CSMD2: variants seen among roughly 807,000 people sequenced by gnomAD.
CSMD2 encodes CUB and Sushi multiple domains 2.
CSMD2 carries 130 observed loss-of-function variants against 398.5 expected under a neutral mutation model. The observed-to-expected ratio is 0.33, with a 90% CI of 0.28 to 0.38. The LOEUF is 0.38. CSMD2 is among the 10% of genes least tolerant of loss of function. The pLI, the probability that CSMD2 is intolerant of heterozygous loss-of-function variation, is 1.00. For synonymous variants in CSMD2, 1,828 were observed against 1,908.5 expected (o/e 0.96, Z 1.10); for missense variants, 3,829 against 4,764.9 (o/e 0.80, Z 5.78).
chr1:34,133,251 C>T (rs1278608647), intron 1 of CSMD2, among the ~76,000 whole-genome samples: 1 of 152,190 alleles, frequency 6.6e-6, no homozygotes, highest in Non-Finnish European at 1.5e-5. Flanking sequence ...ATGATATCAT[C>T]CCAGTATCTA....
chr1:34,038,459 G>A (rs1018969924), intron 2 of CSMD2, among the ~76,000 whole-genome samples: 2 of 152,162 alleles, frequency 1.3e-5, no homozygotes, highest in Non-Finnish European at 2.9e-5. Context: ...CAGCCTTATT[G>A]TCTTCTCATT....
intron 1 of CSMD2, among the ~76,000 whole-genome samples, chr1:34,131,931 A>C (rs571639692): frequency 2.6e-5 from 4 of 152,252 alleles, no homozygotes; most frequent in Admixed American, 2.6e-4. Flanking sequence ...ATCATGAGCT[A>C]GCTGGGGCCA....
chr1:33,938,214 C>A (rs576790723), intron 3 of CSMD2, among the ~76,000 whole-genome samples: 1 of 152,366 alleles, frequency 6.6e-6, no homozygotes, highest in Admixed American at 6.5e-5. Context: ...TTGCCCTGTC[C>A]ATTGGCCCAG....
At chr1:33,657,822 G>A in intron 27 of CSMD2, 124 bp downstream of exon 27, 3 of 944,460 alleles carry the variant, frequency 3.2e-6, no homozygotes, top group East Asian at 2.5e-5. Flanking sequence ...TGGGTTTTCT[G>A]CAACTTTTGT....
At chr1:33,529,803 C>G (rs1655083804) in intron 64 of CSMD2, among the ~76,000 whole-genome samples, 1 of 152,168 alleles carries the variant, frequency 6.6e-6, no homozygotes, top group East Asian at 1.9e-4. Context: ...ATTAAAGACA[C>G]TGGTGCTTCA....
intron 15 of CSMD2, among the ~76,000 whole-genome samples, chr1:33,728,620 T>C (rs931440697): frequency 2.0e-5 from 3 of 152,192 alleles, no homozygotes; most frequent in Non-Finnish European, 2.9e-5. Context: ...AGAGCTGAGA[T>C]TGAATCTCAA....
At chr1:33,697,575 A>G (rs1382874278) in intron 24 of CSMD2, among the ~76,000 whole-genome samples, 1 of 152,172 alleles carries the variant, frequency 6.6e-6, no homozygotes, top group Admixed American at 6.5e-5. Flanking sequence ...ATGCTGGTTC[A>G]CACTTTCACC....
intron 25 of CSMD2, among the ~76,000 whole-genome samples, chr1:33,689,097 G>C (rs1327551821): frequency 6.6e-6 from 1 of 150,750 alleles, no homozygotes; most frequent in Non-Finnish European, 1.5e-5. Context: ...AGGAGGAGAG[G>C]GAGAGAGGGA....
In CSMD2 at chr1:33,571,545, C is replaced by G. The variant is rs554288627; in HGVS notation, c.7944G>C (p.Thr2648=). ...ANGKWSLGDS[T]PTCRIISCGE... is the part of the protein sequence containing the mutation. The stretch of plus-strand genomic sequence containing the variant: ...TCCTGGGCTTACTTCGGCAGGTGGG[C>G]GTAGAGTCCCCGAGGCTCCATTTGC... Residue 2648 remains threonine, a synonymous_variant, in exon 51 of 71, where the codon ACG becomes ACC. Coordinates refer to ENST00000373381, the MANE Select transcript of CSMD2 (RefSeq NM_001281956.2). 20 of 1,480,406 alleles carry G rather than the reference C, an allele frequency of 1.4e-5. 1 individual carries two copies. In the South Asian group the frequency reaches 2.8e-4, roughly 21 times the overall value. The allele number at this position is 1,480,406 out of a possible 1,614,324, so 91.7% of individuals were successfully genotyped here. A position where few individuals can be genotyped will look rare whatever the true frequency, so the allele number is the denominator to read the frequency against.
intron 1 of CSMD2, among the ~76,000 whole-genome samples, chr1:34,148,362 A>G (rs569009192): frequency 1.6e-4 from 24 of 152,200 alleles, no homozygotes; most frequent in Non-Finnish European, 3.2e-4. Context: ...TCTCTCAGCA[A>G]TCCTTCACTC....
At chr1:34,122,116 G>T (rs552149136) in intron 1 of CSMD2, among the ~76,000 whole-genome samples, 2 of 150,980 alleles carry the variant, frequency 1.3e-5, no homozygotes, top group Admixed American at 1.3e-4. Context: ...TTTTGTTCCC[G>T]GGGATATCTG....
At chr1:33,799,675 T>C (rs1315698006) in intron 10 of CSMD2, among the ~76,000 whole-genome samples, 1 of 152,172 alleles carries the variant, frequency 6.6e-6, no homozygotes, top group East Asian at 1.9e-4. Flanking sequence ...CTCCTTGCTT[T>C]TCCTGGAATA....
intron 1 of CSMD2, among the ~76,000 whole-genome samples, chr1:34,143,320 T>C (rs1020497511): frequency 2.6e-5 from 4 of 152,112 alleles, no homozygotes; most frequent in Non-Finnish European, 5.9e-5. Context: ...AACTTGCGAT[T>C]GACTCTTCTC....
At chr1:33,827,591 A>G (rs908631339) in intron 6 of CSMD2, among the ~76,000 whole-genome samples, 3 of 152,178 alleles carry the variant, frequency 2.0e-5, no homozygotes, top group Admixed American at 2.0e-4. Context: ...CTAACATACT[A>G]TACCATTTAT....
chr1:33,866,436 A>G (rs1570328932), intron 5 of CSMD2, among the ~76,000 whole-genome samples: 1 of 152,188 alleles, frequency 6.6e-6, no homozygotes, highest in African/African-American at 2.4e-5. Flanking sequence ...TTCATGAAGG[A>G]AGCAGCCTTA....
At chr1:33,567,971 C>T in intron 52 of CSMD2, 130 bp from the exon 53 acceptor site, 2 of 1,085,750 alleles carry the variant, frequency 1.8e-6, no homozygotes, top group Non-Finnish European at 2.6e-6. Flanking sequence ...GTGTTGAGGA[C>T]TTGGCACCCC....
chr1:33,571,879 T>G (rs972786098), intron 50 of CSMD2, among the ~76,000 whole-genome samples, 153 bp from the exon 51 acceptor site: 1 of 151,714 alleles, frequency 6.6e-6, no homozygotes, highest in South Asian at 2.1e-4. Flanking sequence ...AATGAACAGG[T>G]GGGTTGGGTG....
chr1:33,812,822 C>T (rs1231206249), intron 9 of CSMD2, among the ~76,000 whole-genome samples: 1 of 152,176 alleles, frequency 6.6e-6, no homozygotes, highest in African/African-American at 2.4e-5. Flanking sequence ...ACTCCCAATG[C>T]CATGTCTATT....
intron 3 of CSMD2, among the ~76,000 whole-genome samples, chr1:34,021,073 TCA>T (rs903776038): frequency 1.3e-5 from 2 of 152,206 alleles, no homozygotes; most frequent in African/African-American, 4.8e-5. Flanking sequence ...GGTTCAACTC[TCA>T]GTTATTCACA....
Sources: gnomAD v4.1 joint callset for allele counts (sites outside exome capture counted in the v4.1 genomes callset) on GRCh38, gnomAD v4.1.1 for gene constraint, MANE v1.5 for transcripts, NCBI Gene and HGNC (gene_info 2026-07-23, HGNC 2026-07-21) for gene names.